FNIP1: variants seen among roughly 807,000 people sequenced by gnomAD.
FNIP1 encodes the protein folliculin-interacting protein 1.
FNIP1 carries 40 observed loss-of-function variants against 124.5 expected under a neutral mutation model. The ratio of observed to expected loss-of-function variants is 0.32; its 90% CI spans 0.25 to 0.42. The LOEUF (loss-of-function observed/expected upper bound fraction) is 0.42. FNIP1 is among the 10% of genes least tolerant of loss of function. The pLI is 1.00. For missense variants in FNIP1, 1,176 were observed against 1,403.7 expected (o/e 0.84, Z 2.59); for synonymous variants, 472 against 470.6 (o/e 1.00, Z -0.04).
chr5:131,750,452 G>C (rs4392611), intron 1 of FNIP1, among the ~76,000 whole-genome samples: 1 of 151,968 alleles, frequency 6.6e-6, no homozygotes, highest in Non-Finnish European at 1.5e-5. Flanking sequence ...GCCAAGCAGT[G>C]GTTAGGGCAA....
intron 11 of FNIP1, among the ~76,000 whole-genome samples, chr5:131,698,544 C>T (rs544544509): frequency 2.6e-5 from 4 of 152,298 alleles, no homozygotes; most frequent in Non-Finnish European, 5.9e-5. Flanking sequence ...TCCTTATATC[C>T]ATATATCCTT....
chr5:131,718,302 G>A (rs571759806), intron 5 of FNIP1, among the ~76,000 whole-genome samples: 1 of 152,254 alleles, frequency 6.6e-6, no homozygotes, highest in South Asian at 2.1e-4. Flanking sequence ...AACAATTAAT[G>A]GGGGCTCTAC....
At position 131,698,200 on chromosome 5, in the gene FNIP1, A is replaced by G. The variant is rs567592666; in HGVS notation, c.1202+717T>C. Among the ~76,000 whole-genome samples, 4 of 152,246 alleles carry G rather than the reference A, an allele frequency of 2.6e-5. No individual in the cohort carries two copies. In the East Asian group the frequency reaches 7.7e-4, roughly 29 times the overall value. ...TAGTAAATGACAGAGCCAGGGTTAA[A>G]ATCCACGTCTGTCTGACAGATTCTA... On this transcript the variant is annotated intron_variant, in intron 11 of 17. Coordinates refer to ENST00000510461, the MANE Select transcript of FNIP1 (RefSeq NM_133372.3).
At chr5:131,715,393 G>A (rs917153223) in intron 6 of FNIP1, among the ~76,000 whole-genome samples, 1 of 152,132 alleles carries the variant, frequency 6.6e-6, no homozygotes, top group Non-Finnish European at 1.5e-5. Context: ...GGGTGAGGCA[G>A]GAGGATCGCT....
At chr5:131,723,004 A>G (rs187427073) in intron 3 of FNIP1, among the ~76,000 whole-genome samples, 370 of 152,314 alleles carry the variant, frequency 2.4e-3, no homozygotes, top group Non-Finnish European at 4.6e-3. Flanking sequence ...ATTTTTAAGA[A>G]AAAAGTCATT....
In FNIP1 at chr5:131,644,373, G is replaced by A. The variant is rs921653203; in HGVS notation, c.*312C>T. 4.5e-6 allele frequency: 1 copy of A among 224,198 alleles called. No homozygotes were observed. Among genetic ancestry groups the A allele is most frequent in the South Asian group, 6.5e-5 (1 of 15,272 alleles). 13.9% of individuals were successfully genotyped at this position (224,198 alleles called of 1,614,324 possible). On this transcript the variant is annotated 3_prime_UTR_variant, in exon 18 of 18. Coordinates refer to ENST00000510461, the MANE Select transcript of FNIP1 (RefSeq NM_133372.3). ...TTATGAGCTGTGACAACACTGCAGT[G>A]ATCACATGAAACTCTTGATAATATT...
rs1472386284 is a variant in FNIP1 at position 131,672,273 on chromosome 5, G to A, written c.2171C>T (p.Ser724Phe). The A allele has an allele frequency of 1.9e-6, 3 of 1,613,946 alleles. No homozygotes were observed. Among genetic ancestry groups the A allele is most frequent in the East Asian group, 2.2e-5 (1 of 44,890 alleles). ...TTTTTTTTCCACAACCATTCCTGTGGATCTCATTGCTTTGCCTGTGTGACT... is the reference window on the plus strand; with the variant it reads ...TTTTTTTTCCACAACCATTCCTGTGAATCTCATTGCTTTGCCTGTGTGACT... ...SDSHTGKAMR[S>F]TGMVVEKKPP... Residue 724 changes from serine (S) to phenylalanine (F), a missense_variant, in exon 14 of 18, where the codon TCC becomes TTC. Ser to Phe is a radical substitution (Grantham distance 155). Transcript: ENST00000510461.
intron 1 of FNIP1, among the ~76,000 whole-genome samples, chr5:131,786,301 T>C (rs182262207): frequency 3.9e-5 from 6 of 152,338 alleles, no homozygotes; most frequent in African/African-American, 9.6e-5. Flanking sequence ...TGTGCCCTTA[T>C]AGAACTTACA....
chr5:131,738,412 G>A (rs1280429725), intron 2 of FNIP1, among the ~76,000 whole-genome samples: 1 of 151,890 alleles, frequency 6.6e-6, no homozygotes, highest in African/African-American at 2.4e-5. Context: ...GTTGTTTTCT[G>A]TTTTATCATG....
At chr5:131,734,301 A>G (rs1395094653) in intron 2 of FNIP1, among the ~76,000 whole-genome samples, 3 of 152,152 alleles carry the variant, frequency 2.0e-5, no homozygotes, top group African/African-American at 7.2e-5. Context: ...GATTTTTTGA[A>G]GGGTTTTTTG....
chr5:131,752,510 C>A (rs1770908451), intron 1 of FNIP1, among the ~76,000 whole-genome samples: 1 of 140,818 alleles, frequency 7.1e-6, no homozygotes, highest in Non-Finnish European at 1.5e-5. Context: ...GTAAGTTGGA[C>A]TTTATAAAAA....
At chr5:131,678,980 T>A (rs984080670) in intron 12 of FNIP1, 49 bp downstream of exon 12, 3 of 1,268,842 alleles carry the variant, frequency 2.4e-6, no homozygotes, top group Non-Finnish European at 3.3e-6. Context: ...CATCTGTAAT[T>A]GAGTTTGATT....
chr5:131,686,976 T>C (rs1177560026), intron 11 of FNIP1, among the ~76,000 whole-genome samples: 2 of 150,702 alleles, frequency 1.3e-5, no homozygotes, highest in South Asian at 2.1e-4. Context: ...TCATTATACT[T>C]CTCTAGTGAC....
At chr5:131,677,632 T>C in intron 13 of FNIP1, 71 bp downstream of exon 13, 1 of 1,396,504 alleles carries the variant, frequency 7.2e-7, no homozygotes, top group African/African-American at 1.4e-5. Context: ...ATTTTTGGTT[T>C]TGCTATAAAA....
chr5:131,650,062 C>T lies in FNIP1; in HGVS notation c.3306+1740G>A, dbSNP rs955840811. Reference sequence around the variant, plus strand: ...TTGAAATCAAGAAATGTGAAATCTACCAACACTGTTGTTTTTCAAGATTGT... The same window carrying T: ...TTGAAATCAAGAAATGTGAAATCTATCAACACTGTTGTTTTTCAAGATTGT... On this transcript the variant is annotated intron_variant, in intron 16 of 17. Transcript: ENST00000510461. Among the ~76,000 whole-genome samples, 11 of 152,130 alleles carry T rather than the reference C, an allele frequency of 7.2e-5. 1 individual carries two copies. The highest frequency in any genetic ancestry group is 5.9e-4 in the Admixed American group (9 of 15,274).
chr5:131,755,548 T>C (rs1255955725), intron 1 of FNIP1, among the ~76,000 whole-genome samples: 1 of 151,656 alleles, frequency 6.6e-6, no homozygotes, highest in African/African-American at 2.4e-5. Flanking sequence ...AGGCAGAACA[T>C]ATTAATTGAA....
intron 1 of FNIP1, among the ~76,000 whole-genome samples, chr5:131,748,709 G>GAAAAAAAAAAAAAAAAAAAAAAAAAA (rs1189333248): frequency 2.0e-5 from 2 of 97,860 alleles, no homozygotes; most frequent in Non-Finnish European, 2.1e-5. Context: ...AAAAAAAAAA[G>GAAAAAAAAAAAAAAAAAAAAAAAAAA]AAAAAAAAAA....
intron 1 of FNIP1, among the ~76,000 whole-genome samples, chr5:131,748,015 A>G (rs368658279): frequency 1.3e-5 from 2 of 152,020 alleles, no homozygotes; most frequent in South Asian, 2.1e-4. Flanking sequence ...AGATTTGTAG[A>G]TATGAAGGTA....
chr5:131,693,815 C>T (rs1192199308), intron 11 of FNIP1, among the ~76,000 whole-genome samples: 2 of 151,624 alleles, frequency 1.3e-5, no homozygotes, highest in African/African-American at 2.4e-5. Flanking sequence ...TTTTTTAAAT[C>T]TGACAAAGAA....
Sources: allele counts gnomAD v4.1 joint callset (sites outside exome capture counted in the v4.1 genomes callset), GRCh38; gene constraint gnomAD v4.1.1; transcripts MANE v1.5; gene names NCBI Gene and HGNC (gene_info 2026-07-23, HGNC 2026-07-21).